Variants in DAB1 observed in about 807,000 individuals in gnomAD.
DAB1 encodes the protein DAB adaptor protein 1, also known as disabled homolog 1.
In DAB1, 15 loss-of-function variants were observed where a neutral mutation model predicts 64.6. That is an observed-to-expected ratio of 0.23 (90% confidence interval 0.16 to 0.36). DAB1 has a LOEUF of 0.36. DAB1 is among the 10% of genes least tolerant of loss of function. The pLI is 1.00. For missense variants in DAB1, 596 were observed against 706.7 expected, an observed-to-expected ratio of 0.84 and a Z score of 1.78; for synonymous variants, 235 against 251.9, an observed-to-expected ratio of 0.93 and a Z score of 0.64.
chr1:58,221,373 T>C (rs1659162281), intron 4 of DAB1, among the ~76,000 whole-genome samples: 1 of 152,136 alleles, frequency 6.6e-6, no homozygotes, highest in Admixed American at 6.6e-5. Context: ...TTGAAAGAAA[T>C]CGAATTTTAA....
At chr1:57,728,132 T>G (rs1647260341) in intron 6 of DAB1, among the ~76,000 whole-genome samples, 1 of 152,222 alleles carries the variant, frequency 6.6e-6, no homozygotes, top group Non-Finnish European at 1.5e-5. Context: ...CTACCGGATG[T>G]TGTCTGGGCT....
At chr1:57,128,780 A>T (rs1657378725) in intron 4 of DAB1, among the ~76,000 whole-genome samples, 1 of 152,136 alleles carries the variant, frequency 6.6e-6, no homozygotes, top group African/African-American at 2.4e-5. Flanking sequence ...ATGCATGCTG[A>T]CAACTCTAAG....
intron 12 of DAB1, among the ~76,000 whole-genome samples, chr1:57,012,723 C>T (rs1646302450): frequency 6.6e-6 from 1 of 152,166 alleles, no homozygotes; most frequent in Admixed American, 6.5e-5. Context: ...GGGTTTAAAG[C>T]TATATGCAAA....
At chr1:57,936,047 T>A (rs1052211134) in intron 5 of DAB1, among the ~76,000 whole-genome samples, 1 of 152,248 alleles carries the variant, frequency 6.6e-6, no homozygotes, top group Non-Finnish European at 1.5e-5. Flanking sequence ...AACCTTGGTT[T>A]TCTCATCTAG....
intron 7 of DAB1, among the ~76,000 whole-genome samples, chr1:57,643,011 A>G (rs1329537602): frequency 6.6e-6 from 1 of 152,188 alleles, no homozygotes; most frequent in Non-Finnish European, 1.5e-5. Context: ...GAGGGAGGAC[A>G]ATGGGGGAAC....
chr1:57,868,414 A>C (rs1654395583), intron 1 of DAB1, among the ~76,000 whole-genome samples: 1 of 152,146 alleles, frequency 6.6e-6, no homozygotes, highest in South Asian at 2.1e-4. Flanking sequence ...TGGTTGCCAG[A>C]GGCCATCTGA....
chr1:57,560,020 C>T (rs1244461657), intron 7 of DAB1, among the ~76,000 whole-genome samples: 2 of 152,192 alleles, frequency 1.3e-5, no homozygotes, highest in Non-Finnish European at 2.9e-5. Flanking sequence ...GTGATGACTC[C>T]AATTGCAACT....
chr1:56,994,983 C>T lies in DAB1; in HGVS notation c.*3161G>A, dbSNP rs1183328857. On this transcript the variant is annotated 3_prime_UTR_variant, in exon 15 of 15. Coordinates refer to ENST00000371236, the MANE Select transcript of DAB1 (RefSeq NM_001365792.1). ...ACTGCAACAGTCATTTTCTCTTTCT[C>T]ATCTTTATTAAAAAAATATGTGTCA... 5.3e-5 allele frequency: 8 copies of T among 152,140 alleles called. No individual in the cohort carries two copies. The highest frequency in any genetic ancestry group is 5.9e-5 in the Non-Finnish European group (4 of 68,040). 9.4% of individuals were successfully genotyped at this position (152,140 alleles called of 1,614,324 possible).
At chr1:57,661,125 T>TG (rs1198163357) in intron 6 of DAB1, among the ~76,000 whole-genome samples, 2 of 151,042 alleles carry the variant, frequency 1.3e-5, no homozygotes, top group Non-Finnish European at 2.9e-5. Context: ...TTGGATAGTC[T>TG]GGGGGAAAAA....
chr1:57,240,307 T>A (rs911699761), intron 2 of DAB1, among the ~76,000 whole-genome samples: 3 of 152,110 alleles, frequency 2.0e-5, no homozygotes, highest in African/African-American at 7.2e-5. Flanking sequence ...AGAAAACAAA[T>A]AATAATACAC....
chr1:57,778,485 T>C lies in DAB1; in HGVS notation n.551+105514A>G, dbSNP rs577972152. ...TCAAGGATCACATTCCTGAGCTGTC[T>C]AGTGTTCAGTGTCTTATATTAGCTA... is the stretch of plus-strand genomic sequence containing the variant. On this transcript the variant is annotated intron_variant and non_coding_transcript_variant, in intron 6 of 20. Coordinates refer to the DAB1 transcript ENST00000485760. 3.9e-5 allele frequency among the ~76,000 whole-genome samples: 6 copies of C among 152,098 alleles called. No individual in the cohort carries two copies. In the South Asian group the frequency reaches 1.2e-3, roughly 32 times the overall value.
intron 6 of DAB1, among the ~76,000 whole-genome samples, chr1:57,709,350 C>A (rs1647001133): frequency 6.6e-6 from 1 of 152,020 alleles, no homozygotes; most frequent in African/African-American, 2.4e-5. Flanking sequence ...AGATATTTTT[C>A]TTTTCCTTTT....
intron 1 of DAB1, among the ~76,000 whole-genome samples, chr1:57,387,766 G>C (rs375710428): frequency 1.4e-5 from 2 of 142,804 alleles, no homozygotes; most frequent in Non-Finnish European, 3.0e-5. Context: ...AGACTGCAGT[G>C]AGCCAAGATC....
chr1:58,024,869 T>C (rs1646866383), intron 5 of DAB1, among the ~76,000 whole-genome samples: 1 of 152,204 alleles, frequency 6.6e-6, no homozygotes, highest in African/African-American at 2.4e-5. Context: ...ACCTGAGGCA[T>C]CATTTTTTAT....
At chr1:57,273,760 TCCTCA>T (rs1465701306) in intron 2 of DAB1, among the ~76,000 whole-genome samples, 1 of 151,786 alleles carries the variant, frequency 6.6e-6, no homozygotes, top group Non-Finnish European at 1.5e-5. Context: ...TCCTCCCCTG[TCCTCA>T]CCTCCTATGT....
At chr1:57,269,076 T>C (rs758967478) in intron 2 of DAB1, among the ~76,000 whole-genome samples, 14 of 152,014 alleles carry the variant, frequency 9.2e-5, no homozygotes, top group African/African-American at 2.2e-4. Flanking sequence ...CCTGTGGGAA[T>C]TGGATCCACA....
At chr1:58,060,225 C>A (rs559794023) in intron 5 of DAB1, 1 of 152,056 alleles carries the variant, frequency 6.6e-6, no homozygotes, top group Non-Finnish European at 1.5e-5. Context: ...GCTCACCCAC[C>A]GAATGAAGTG....
chr1:58,091,968 A>ACACAC (rs1553159212), intron 5 of DAB1, among the ~76,000 whole-genome samples: 75 of 151,468 alleles, frequency 5.0e-4, no homozygotes, highest in African/African-American at 1.5e-3. Flanking sequence ...ACACACACAC[A>ACACAC]AACTAACATA....
intron 4 of DAB1, among the ~76,000 whole-genome samples, chr1:58,251,283 T>A (rs2100405384): frequency 6.6e-6 from 1 of 152,320 alleles, no homozygotes; most frequent in Middle Eastern, 3.4e-3. Context: ...ACCTCTACTT[T>A]ATGGAGAGGA....
Sources: gnomAD v4.1 joint callset for allele counts (sites outside exome capture counted in the v4.1 genomes callset) on GRCh38, gnomAD v4.1.1 for gene constraint, MANE v1.5 for transcripts, NCBI Gene and HGNC (gene_info 2026-07-23, HGNC 2026-07-21) for gene names.